TNFRSF14: variants seen among roughly 807,000 people sequenced by gnomAD.
TNFRSF14 encodes tumor necrosis factor receptor superfamily member 14.
A neutral mutation model predicts 34.1 loss-of-function variants in TNFRSF14; 18 were observed. The ratio of observed to expected loss-of-function variants is 0.53; its 90% CI spans 0.36 to 0.78. The LOEUF is 0.78. TNFRSF14 is among the 30% of genes least tolerant of loss of function. TNFRSF14 has a pLI of 0.00. For missense variants in TNFRSF14, 352 were observed against 379.5 expected, an observed-to-expected ratio of 0.93 and a Z score of 0.60; for synonymous variants, 157 against 153.2, an observed-to-expected ratio of 1.02 and a Z score of -0.18.
intron 3 of TNFRSF14, chr1:2,559,169 A>C: frequency 7.3e-7 from 1 of 1,367,034 alleles, no homozygotes; most frequent in Non-Finnish European, 9.6e-7. Flanking sequence ...TGGGCTAGCC[A>C]TGAACAGAAG....
At chr1:2,555,187 G>A (rs761473644), upstream of TNFRSF14, 1 of 152,234 alleles carries the variant, frequency 6.6e-6, no homozygotes, top group African/African-American at 2.4e-5. This position sits in a 1 kb window ranked among gnomAD's most constrained non-coding sequence, Gnocchi z 6.3. Context: ...CAGAGTATTG[G>A]GGTCTGGGCT....
At chr1:2,560,103 C>T in intron 4 of TNFRSF14, 125 bp downstream of exon 4, 1 of 1,364,440 alleles carries the variant, frequency 7.3e-7, no homozygotes, top group Non-Finnish European at 9.7e-7. Context: ...AGAACCTTGG[C>T]CAGCCCCAGG....
chr1:2,556,514 G>A lies in TNFRSF14; in HGVS notation c.-151G>A, dbSNP rs1386055782. On this transcript the variant is annotated 5_prime_UTR_variant, in exon 1 of 8. Transcript: ENST00000355716. The stretch of plus-strand genomic sequence containing the variant: ...CCTGCTGCCCACTCTCCTGCTGCTC[G>A]GGTTCTGAGGCACAGCTTGTCACAC... 6 of 809,986 alleles carry A rather than the reference G, an allele frequency of 7.4e-6. No individual in the cohort carries two copies. The highest frequency in any genetic ancestry group is 2.2e-4 in the Middle Eastern group (1 of 4,596). 50.2% of individuals were successfully genotyped at this position (809,986 alleles called of 1,614,324 possible).
chr1:2,560,285 T>G (rs1462038074), intron 4 of TNFRSF14, among the ~76,000 whole-genome samples: 1 of 151,932 alleles, frequency 6.6e-6, no homozygotes, highest in African/African-American at 2.4e-5. Flanking sequence ...TTTATGGGAG[T>G]GACCATGGTT....
At chr1:2,562,608 T>C in intron 6 of TNFRSF14, 2 of 605,756 alleles carry the variant, frequency 3.3e-6, no homozygotes, top group South Asian at 3.9e-5. Flanking sequence ...AGTTATGCAC[T>C]TGGGGGCCTC....
In TNFRSF14 at chr1:2,557,766, C is replaced by T. The variant is rs770051947; in HGVS notation, c.110C>T (p.Pro37Leu). Residue 37 changes from proline (P) to leucine (L), a missense_variant, in exon 2 of 8, where the codon CCA becomes CTA. Coordinates refer to ENST00000355716, the MANE Select transcript of TNFRSF14 (RefSeq NM_003820.4). The part of the protein sequence containing the change: ...LTFLGAPCYA[P>L]ALPSCKEDEY... ...TTCCTGGGAGCCCCCTGCTACGCCC[C>T]AGCTCTGCCGTCCTGCAAGGAGGAC... The T allele has an allele frequency of 6.2e-7, 1 of 1,611,704 alleles. No homozygotes were observed. Among genetic ancestry groups the T allele is most frequent in the South Asian group, 1.1e-5 (1 of 90,744 alleles).
At chr1:2,559,286 T>C in intron 3 of TNFRSF14, 1 of 1,366,626 alleles carries the variant, frequency 7.3e-7, no homozygotes, top group Non-Finnish European at 9.7e-7. Context: ...TGAAAGCACC[T>C]GTCTACTTGG....
chr1:2,562,320 G>A (rs1389847955), intron 6 of TNFRSF14: 1 of 212,692 alleles, frequency 4.7e-6, no homozygotes, highest in Non-Finnish European at 9.6e-6. Flanking sequence ...GGACCCGGCT[G>A]TGGCCCTGGG....
rs554385530 is a variant in TNFRSF14, at chr1:2,557,192, T to A, written c.69+459T>A. Among the ~76,000 whole-genome samples the A allele has an allele frequency of 3.9e-5, 6 of 152,276 alleles. No homozygotes were observed. In the East Asian group the frequency reaches 1.2e-3, roughly 29 times the overall value. ...GATACTCTCCATGCTCATGTGGCAC[T>A]CCTGCCTGTCCAGCCACTATCCCCA... On this transcript the variant is annotated intron_variant, in intron 1 of 7. Coordinates refer to ENST00000355716, the MANE Select transcript of TNFRSF14 (RefSeq NM_003820.4).
upstream of TNFRSF14, chr1:2,556,245 CTGAGTGTG>C (rs1429851141): frequency 4.0e-6 from 2 of 494,302 alleles, no homozygotes; most frequent in East Asian, 7.9e-5. Flanking sequence ...CCGAGGGTCC[CTGAGTGTG>C]TGAGTGAGGT....
intron 3 of TNFRSF14, chr1:2,558,806 A>T: frequency 3.0e-6 from 4 of 1,317,636 alleles, no homozygotes; most frequent in Non-Finnish European, 3.9e-6. Flanking sequence ...GTGGAATGGG[A>T]TGGTGCTGGG....
At position 2,560,734 on chromosome 1, in the gene TNFRSF14, G is replaced by A; in HGVS notation, c.551+20G>A. The A allele has an allele frequency of 1.9e-6, 3 of 1,609,404 alleles. No homozygotes were observed. Among genetic ancestry groups the A allele is most frequent in the Non-Finnish European group, 2.5e-6 (3 of 1,177,026 alleles). On this transcript the variant is annotated intron_variant, in intron 5 of 7. Transcript: ENST00000355716. ...GACCAAGTAAGTGAACCCGGGGGAG[G>A]CCCAGCTCTGTGCCCTGGGGAGGGG...
At position 2,561,728 on chromosome 1, in the gene TNFRSF14, T is replaced by C. The variant is rs770895957; in HGVS notation, c.607T>C (p.Trp203Arg). The change falls in exon 6 of 8, where the codon TGG becomes CGG. Residue 203 changes from tryptophan to arginine, a missense_variant. Transcript: ENST00000355716. This position sits in a 1 kb window ranked among gnomAD's most constrained non-coding sequence, Gnocchi z 6.0. ...TGGGACCAGCAGCTCCCACTGGGTA[T>C]GGTGGTTTCTCTCAGGGAGCCTCGT... ...GAGTSSSHWVWWFLSGSLVIV... is the reference protein window; with the variant it reads ...GAGTSSSHWVRWFLSGSLVIV... 2 of 1,613,622 alleles carry C rather than the reference T, an allele frequency of 1.2e-6. No homozygotes were observed. The highest frequency in any genetic ancestry group is 1.7e-6 in the Non-Finnish European group (2 of 1,179,986).
chr1:2,560,712 C>T lies in TNFRSF14; in HGVS notation c.549C>T (p.Thr183=), dbSNP rs750254787. ...NGTLEECQHQ[T]KCSWLVTKAG... ...CCCTGGAGGAATGTCAGCACCAGACCAAGTAAGTGAACCCGGGGGAGGCCC... is the reference window on the plus strand; with the variant it reads ...CCCTGGAGGAATGTCAGCACCAGACTAAGTAAGTGAACCCGGGGGAGGCCC... Residue 183 remains threonine, a splice_region_variant and synonymous_variant, in exon 5 of 8, where the codon ACC becomes ACT. Transcript: ENST00000355716. 24 of 1,613,180 alleles carry T rather than the reference C, an allele frequency of 1.5e-5. No individual in the cohort carries two copies. The highest frequency in any genetic ancestry group is 1.9e-5 in the Non-Finnish European group (23 of 1,179,860).
intron 7 of TNFRSF14, 53 bp from the exon 8 acceptor site, chr1:2,563,095 G>A: frequency 6.2e-7 from 1 of 1,604,948 alleles, no homozygotes; most frequent in Non-Finnish European, 8.5e-7. Flanking sequence ...CGAGAACCTG[G>A]AGTCCCAGGG....
intron 4 of TNFRSF14, 70 bp downstream of exon 4, chr1:2,560,048 C>A (rs1470903355): frequency 2.1e-6 from 3 of 1,458,162 alleles, no homozygotes; most frequent in Non-Finnish European, 2.7e-6. Flanking sequence ...TCTGGAGCCC[C>A]AGGTTTCCTC....
chr1:2,558,244 G>T, intron 2 of TNFRSF14, 99 bp from the exon 3 acceptor site: 3 of 1,498,288 alleles, frequency 2.0e-6, no homozygotes, highest in South Asian at 2.7e-5. Context: ...CCCTTAGCTG[G>T]TGTCTCCCTG....
intron 3 of TNFRSF14, 84 bp downstream of exon 3, chr1:2,558,552 G>A (rs1644254412): frequency 1.9e-6 from 3 of 1,585,320 alleles, no homozygotes; most frequent in South Asian, 1.1e-5. Context: ...CATGGCCACA[G>A]TGCCCCAGGA....
intron 4 of TNFRSF14, 91 bp from the exon 5 acceptor site, chr1:2,560,533 G>C: frequency 2.1e-6 from 2 of 935,610 alleles, no homozygotes; most frequent in Admixed American, 2.4e-5. Context: ...GAGCACCCAG[G>C]TCTAGAAGCT....
Sources: allele counts gnomAD v4.1 joint callset (sites outside exome capture counted in the v4.1 genomes callset), GRCh38; gene constraint gnomAD v4.1.1; non-coding constraint Gnocchi (gnomAD v3.1); transcripts MANE v1.5; gene names NCBI Gene and HGNC (gene_info 2026-07-23, HGNC 2026-07-21).